Variants in CUL2 observed in about 807,000 individuals in gnomAD.
CUL2 encodes cullin 2, also known as cullin-2.
A neutral mutation model predicts 110.2 loss-of-function variants in CUL2; 22 were observed. That is an observed-to-expected ratio of 0.20 (90% confidence interval 0.14 to 0.28). The LOEUF is 0.28. Ranked by LOEUF, CUL2 falls within the 10% of genes least tolerant of loss-of-function variation. The probability of loss-of-function intolerance (pLI) is 1.00; values close to 1 mark genes in which losing one functional copy is unlikely to be tolerated. For synonymous variants in CUL2, 279 were observed against 293.2 expected (o/e 0.95, Z 0.49); for missense variants, 631 against 905.5 (o/e 0.70, Z 3.89).
rs1178740826 is a variant in CUL2, at chr10:35,056,663, T to C, written c.318-2124A>G. ...TGGTCTCTGCCCACACAGAGCTCAC[T>C]CTGTGGTACAATATACAAACAAATA... is the stretch of plus-strand genomic sequence containing the variant. On this transcript the variant is annotated intron_variant, in intron 4 of 20. Transcript: ENST00000374749. 5.9e-5 allele frequency among the ~76,000 whole-genome samples: 9 copies of C among 152,250 alleles called. No individual in the cohort carries two copies. In the East Asian group the frequency reaches 1.5e-3, roughly 26 times the overall value.
At chr10:35,111,221 T>C (rs1054458133) in intron 1 of CUL2, among the ~76,000 whole-genome samples, 1 of 152,128 alleles carries the variant, frequency 6.6e-6, no homozygotes, top group Admixed American at 6.6e-5. Context: ...TGAGATTAAA[T>C]GATTCTTTAA....
At chr10:35,021,751 T>C (rs1326623747) in intron 17 of CUL2, among the ~76,000 whole-genome samples, 1 of 150,550 alleles carries the variant, frequency 6.6e-6, no homozygotes, top group African/African-American at 2.4e-5. Flanking sequence ...AGGCAGAGGC[T>C]AATGTGGGCT....
chr10:35,079,913 G>A (rs538278430), intron 1 of CUL2, among the ~76,000 whole-genome samples: 14 of 152,276 alleles, frequency 9.2e-5, no homozygotes, highest in African/African-American at 3.4e-4. Flanking sequence ...GCTACTAAGT[G>A]ACTAATGGCA....
chr10:35,010,223 A>T lies in CUL2; in HGVS notation c.*88T>A. 5.1e-6 allele frequency: 7 copies of T among 1,365,644 alleles called. No homozygotes were observed. 84.6% of individuals were successfully genotyped at this position (1,365,644 alleles called of 1,614,324 possible). A position where few individuals can be genotyped will look rare whatever the true frequency, so the allele number is the denominator to read the frequency against. On this transcript the variant is annotated 3_prime_UTR_variant, in exon 21 of 21. Transcript: ENST00000374749. ...ACAGGGGCTGCCAAATGACCAAATT[A>T]TGGAGGCACAGTCCTGCTTTTTCCC...
At chr10:35,118,406 C>T (rs1279393282) in intron 1 of CUL2, 1 of 152,136 alleles carries the variant, frequency 6.6e-6, no homozygotes, top group East Asian at 1.9e-4. Context: ...TTCTTAGTTC[C>T]TTCCTTGCTC....
chr10:35,072,597 T>C (rs564726101), intron 1 of CUL2, among the ~76,000 whole-genome samples: 1 of 152,256 alleles, frequency 6.6e-6, no homozygotes, highest in East Asian at 1.9e-4. Flanking sequence ...CTTCATCTCC[T>C]GACCTCGTGA....
chr10:35,041,233 A>G (rs1027801989), intron 8 of CUL2, among the ~76,000 whole-genome samples: 2 of 152,382 alleles, frequency 1.3e-5, no homozygotes, highest in East Asian at 3.9e-4. Context: ...TTAATGCAAC[A>G]GGAATTACAG....
intron 1 of CUL2, among the ~76,000 whole-genome samples, chr10:35,083,616 G>A (rs774764495): frequency 1.3e-5 from 2 of 152,198 alleles, no homozygotes. Flanking sequence ...CCCACAAAGA[G>A]GGTGGGGGCA....
At chr10:35,066,326 G>A (rs540947281) in intron 2 of CUL2, among the ~76,000 whole-genome samples, 10 of 150,426 alleles carry the variant, frequency 6.6e-5, no homozygotes, top group Middle Eastern at 3.4e-3. Flanking sequence ...TTTTTGAGAC[G>A]GAGTTTCGCT....
At chr10:35,067,520 T>TG (rs1408915678) in intron 2 of CUL2, among the ~76,000 whole-genome samples, 14 of 151,016 alleles carry the variant, frequency 9.3e-5, no homozygotes, top group African/African-American at 2.4e-4. Context: ...GAGGCTGAGG[T>TG]GGGGGGAATC....
intron 2 of CUL2, among the ~76,000 whole-genome samples, chr10:35,065,999 T>G (rs1258741105): frequency 2.0e-5 from 3 of 152,216 alleles, no homozygotes; most frequent in African/African-American, 7.2e-5. Flanking sequence ...TTTAAAAATG[T>G]CTCAGTCAGA....
chr10:35,120,268 C>T (rs1227585178), intron 1 of CUL2: 1 of 152,152 alleles, frequency 6.6e-6, no homozygotes, highest in Non-Finnish European at 1.5e-5. Context: ...ATTTCAGCTA[C>T]TAAGGAGGCT....
At chr10:35,015,908 T>A (rs1002253702) in intron 18 of CUL2, among the ~76,000 whole-genome samples, 1 of 152,208 alleles carries the variant, frequency 6.6e-6, no homozygotes, top group African/African-American at 2.4e-5. Flanking sequence ...AAAATCTCAA[T>A]TAATCAAAAT....
At chr10:35,053,754 G>A (rs562413975) in intron 5 of CUL2, among the ~76,000 whole-genome samples, 2 of 152,182 alleles carry the variant, frequency 1.3e-5, no homozygotes, top group Admixed American at 6.5e-5. Context: ...CTGCCTCTTA[G>A]CCTGTTTATT....
rs376979581 is a variant in CUL2 at position 35,038,213 on chromosome 10, G to A, written c.877+707C>T. 5.0e-4 allele frequency among the ~76,000 whole-genome samples: 76 copies of A among 150,780 alleles called. 1 individual carries two copies. The East Asian group carries it at 0.013, about 26-fold the overall frequency. ...TATCTTTCCTGCCTATAAAAGTAAT[G>A]CATGTTTTTTGTTTTTTTAAAAATC... On this transcript the variant is annotated intron_variant, in intron 9 of 20. Coordinates refer to ENST00000374749, the MANE Select transcript of CUL2 (RefSeq NM_003591.4).
intron 4 of CUL2, 82 bp from the exon 5 acceptor site, chr10:35,054,621 T>C: frequency 1.5e-6 from 1 of 686,846 alleles, no homozygotes; most frequent in Non-Finnish European, 2.4e-6. Context: ...GAAGAATATT[T>C]TTAAGATTAC....
At chr10:35,103,313 T>TC in intron 1 of CUL2, among the ~76,000 whole-genome samples, 1 of 101,432 alleles carries the variant, frequency 9.9e-6, no homozygotes, top group South Asian at 3.3e-4. Flanking sequence ...AGCTAATTTT[T>TC]TTTTTTTTTT....
intron 1 of CUL2, chr10:35,079,586 T>C (rs1038296224): frequency 1.3e-4 from 20 of 152,834 alleles, no homozygotes; most frequent in African/African-American, 4.3e-4. Flanking sequence ...CTTTTACAGA[T>C]TGAGATTTGA....
intron 18 of CUL2, among the ~76,000 whole-genome samples, chr10:35,014,640 C>T (rs2084982230): frequency 6.6e-6 from 1 of 151,928 alleles, no homozygotes; most frequent in Non-Finnish European, 1.5e-5. Flanking sequence ...TGAGACCAGC[C>T]TGGCCAACAA....
Sources: gnomAD v4.1 joint callset for allele counts (sites outside exome capture counted in the v4.1 genomes callset) on GRCh38, gnomAD v4.1.1 for gene constraint, MANE v1.5 for transcripts, NCBI Gene and HGNC (gene_info 2026-07-23, HGNC 2026-07-21) for gene names.